The following TENM4 variants were observed in gnomAD, a reference collection of about 807,000 sequenced individuals.
TENM4 encodes teneurin transmembrane protein 4.
A neutral mutation model predicts 243.3 loss-of-function variants in TENM4; 82 were observed. The observed-to-expected ratio is 0.34, with a 90% CI of 0.28 to 0.40. The LOEUF is 0.40. Among genes scored for constraint, TENM4 ranks in the 10% least tolerant of loss-of-function variants. TENM4 has a pLI of 1.00. For synonymous variants in TENM4, 1,412 were observed against 1,456.3 expected (o/e 0.97, Z 0.69); for missense variants, 3,138 against 3,673.3 (o/e 0.85, Z 3.77).
chr11:79,332,138 C>T (rs1857071322), intron 1 of TENM4, among the ~76,000 whole-genome samples: 1 of 152,108 alleles, frequency 6.6e-6, no homozygotes, highest in African/African-American at 2.4e-5. Flanking sequence ...AAACTGAAAC[C>T]AGAAAGGTGA....
intron 3 of TENM4, among the ~76,000 whole-genome samples, chr11:79,155,472 A>G (rs571429511): frequency 1.1e-4 from 16 of 151,938 alleles, no homozygotes; most frequent in Non-Finnish European, 1.9e-4. Context: ...CCATTTCCTC[A>G]TATTAACCCC....
intron 1 of TENM4, among the ~76,000 whole-genome samples, chr11:79,429,043 C>T (rs549302055): frequency 9.2e-5 from 14 of 152,198 alleles, no homozygotes; most frequent in African/African-American, 2.6e-4. Context: ...TCTAATGCAC[C>T]GCCAGGGTCA....
At chr11:79,235,079 T>C (rs1864439238) in intron 2 of TENM4, among the ~76,000 whole-genome samples, 1 of 152,032 alleles carries the variant, frequency 6.6e-6, no homozygotes, top group Non-Finnish European at 1.5e-5. Context: ...TTTGGGAGGC[T>C]GAGGCGGGTG....
At chr11:79,180,043 C>T (rs1227771531) in intron 3 of TENM4, among the ~76,000 whole-genome samples, 2 of 151,728 alleles carry the variant, frequency 1.3e-5, no homozygotes, top group Middle Eastern at 3.4e-3. Context: ...TTGCAAATTG[C>T]CCTGCAGTTT....
chr11:79,398,927 A>G (rs1858402507), intron 1 of TENM4, among the ~76,000 whole-genome samples: 1 of 151,870 alleles, frequency 6.6e-6, no homozygotes, highest in Non-Finnish European at 1.5e-5. Context: ...GGAATTGGCT[A>G]AGTGGACACA....
intron 1 of TENM4, among the ~76,000 whole-genome samples, chr11:79,342,091 A>G (rs1857251310): frequency 6.6e-6 from 1 of 152,156 alleles, no homozygotes; most frequent in Non-Finnish European, 1.5e-5. Flanking sequence ...GTCTTTCCCC[A>G]CAATCACAGA....
chr11:79,345,646 T>C (rs1272406721), intron 1 of TENM4, among the ~76,000 whole-genome samples: 2 of 152,098 alleles, frequency 1.3e-5, no homozygotes, highest in Non-Finnish European at 2.9e-5. Context: ...GCTGTAGGAG[T>C]TCAGGTAAGC....
intron 10 of TENM4, among the ~76,000 whole-genome samples, chr11:78,861,321 T>C (rs1194479731): frequency 2.6e-5 from 4 of 152,182 alleles, no homozygotes; most frequent in African/African-American, 9.7e-5. Flanking sequence ...CTCAATATTC[T>C]CCTTTTGAAG....
chr11:79,434,935 CA>C (rs545610573), intron 1 of TENM4, among the ~76,000 whole-genome samples: 238 of 152,124 alleles, frequency 1.6e-3, no homozygotes, highest in Non-Finnish European at 2.6e-3. Context: ...AACACAAAGT[CA>C]AAAAATTAGG....
intron 7 of TENM4, among the ~76,000 whole-genome samples, chr11:78,895,337 CA>C (rs35367511): frequency 0.54 from 73,861 of 136,582 alleles, 21,417 homozygotes; most frequent in East Asian, 0.77. Flanking sequence ...ACTCCGTCTC[CA>C]AAAAAAAAAA....
chr11:78,725,235 G>A lies in TENM4; in HGVS notation c.3550+844C>T, dbSNP rs537502472. 5.3e-5 allele frequency among the ~76,000 whole-genome samples: 8 copies of A among 152,256 alleles called. No individual in the cohort carries two copies. In the East Asian group the frequency reaches 9.6e-4, roughly 18 times the overall value. ...CCTCTTCTTTGTTCTTAAAGGCTGCGTTAGCTATTTACAAGTCTGTATTCT... is the reference window on the plus strand; with the variant it reads ...CCTCTTCTTTGTTCTTAAAGGCTGCATTAGCTATTTACAAGTCTGTATTCT... On this transcript the variant is annotated intron_variant, in intron 23 of 33. Coordinates refer to ENST00000278550, the MANE Select transcript of TENM4 (RefSeq NM_001098816.3).
intron 6 of TENM4, among the ~76,000 whole-genome samples, chr11:79,062,443 T>C (rs1011809326): frequency 2.0e-5 from 3 of 152,190 alleles, no homozygotes; most frequent in Non-Finnish European, 4.4e-5. Context: ...GCTCTGAGAA[T>C]AAAAGAGTTC....
rs570978080 is a variant in TENM4, at chr11:78,985,433, C to T, written c.493+79305G>A. On this transcript the variant is annotated intron_variant, in intron 6 of 33. Coordinates refer to ENST00000278550, the MANE Select transcript of TENM4 (RefSeq NM_001098816.3). ...GTGTGCTTCTCCACAACCTAAGCAA[C>T]CCTGGGTAGTCTTAACTTTTTAAAT... 1.0e-3 allele frequency among the ~76,000 whole-genome samples: 154 copies of T among 152,278 alleles called. 1 individual carries two copies. The highest frequency in any genetic ancestry group is 3.6e-3 in the African/African-American group (151 of 41,562).
At chr11:78,685,911 C>A (rs555851372) in intron 29 of TENM4, among the ~76,000 whole-genome samples, 1 of 152,198 alleles carries the variant, frequency 6.6e-6, no homozygotes, top group Admixed American at 6.5e-5. Flanking sequence ...ATCCACAGTT[C>A]CCAGCTCATA....
chr11:79,197,342 GTT>G (rs72366488), intron 3 of TENM4, among the ~76,000 whole-genome samples: 3 of 62,878 alleles, frequency 4.8e-5, no homozygotes, highest in African/African-American at 2.0e-4. Context: ...TCACCTGGAA[GTT>G]TTTTTTTTTA....
Position 78,658,523 on chromosome 11 carries a change from A to G in TENM4, c.7845T>C (p.Asp2615=). The G allele has an allele frequency of 6.2e-7, 1 of 1,614,034 alleles. No individual in the cohort carries two copies. The highest frequency in any genetic ancestry group is 8.5e-7 in the Non-Finnish European group (1 of 1,179,886). The change falls in exon 34 of 34, where the codon GAT becomes GAC. Residue 2615 remains aspartate (D), a synonymous_variant. Coordinates refer to ENST00000278550, the MANE Select transcript of TENM4 (RefSeq NM_001098816.3). ...ENLHFTIDGV[D]THYFVKPGPS... ...GTCCTGGTTTCACAAAGTAATGGGT[A>G]TCCACCCCATCAATGGTGAAGTGCA...
At chr11:79,079,711 C>G (rs1860617560) in intron 4 of TENM4, among the ~76,000 whole-genome samples, 1 of 151,966 alleles carries the variant, frequency 6.6e-6, no homozygotes, top group African/African-American at 2.4e-5. Context: ...CACCTGTAGT[C>G]CCAGTTACTC....
intron 27 of TENM4, among the ~76,000 whole-genome samples, chr11:78,704,690 G>A (rs1410817938): frequency 6.6e-6 from 1 of 152,168 alleles, no homozygotes; most frequent in Non-Finnish European, 1.5e-5. Context: ...TTGAGGGATG[G>A]CATATATATC....
At chr11:78,838,114 T>A (rs1343534553) in intron 12 of TENM4, among the ~76,000 whole-genome samples, 2 of 152,192 alleles carry the variant, frequency 1.3e-5, no homozygotes, top group Non-Finnish European at 2.9e-5. Flanking sequence ...TTCTAACTTA[T>A]TAGGCTAAAA....
Sources: allele counts gnomAD v4.1 joint callset (sites outside exome capture counted in the v4.1 genomes callset), GRCh38; gene constraint gnomAD v4.1.1; transcripts MANE v1.5; gene names NCBI Gene and HGNC (gene_info 2026-07-23, HGNC 2026-07-21).